The following CGN variants were observed in gnomAD, a reference collection of about 807,000 sequenced individuals.
The protein encoded by CGN is cingulin.
In CGN, 121 loss-of-function variants were observed where a neutral mutation model predicts 157.1. The ratio of observed to expected loss-of-function variants is 0.77; its 90% confidence interval spans 0.66 to 0.90. The LOEUF is 0.90. Among genes scored for constraint, CGN ranks in the 40% least tolerant of loss-of-function variants. The probability of loss-of-function intolerance (pLI) is 0.00; values close to 1 mark genes in which losing one functional copy is unlikely to be tolerated. For synonymous variants in CGN, 535 were observed against 607.5 expected (o/e 0.88, Z 1.76); for missense variants, 1,424 against 1,520.9 (o/e 0.94, Z 1.06).
At chr1:151,520,324 T>G in intron 3 of CGN, 58 bp downstream of exon 3, 1 of 1,569,192 alleles carries the variant, frequency 6.4e-7, no homozygotes, top group Non-Finnish European at 8.8e-7. Flanking sequence ...TCTTCTAGCT[T>G]TGTTTCCCAT....
At chr1:151,529,869 G>T in intron 11 of CGN, 40 bp from the exon 12 acceptor site, 1 of 1,580,678 alleles carries the variant, frequency 6.3e-7, no homozygotes, top group Non-Finnish European at 8.7e-7. Flanking sequence ...GAGCTGCCAC[G>T]CCCTGGGGTC....
intron 10 of CGN, 78 bp downstream of exon 10, chr1:151,527,185 C>T (rs890970841): frequency 1.3e-5 from 20 of 1,508,148 alleles, no homozygotes; most frequent in Non-Finnish European, 1.8e-5. Context: ...GGCCTTCTTG[C>T]TAGTGGGGCT....
intron 9 of CGN, 113 bp downstream of exon 9, chr1:151,525,903 G>C: frequency 1.3e-6 from 1 of 754,038 alleles, no homozygotes; most frequent in Non-Finnish European, 1.8e-6. Context: ...ACAGAGTTTC[G>C]CTCTTGTTTC....
chr1:151,520,640 G>T lies in CGN; in HGVS notation c.1089G>T (p.Glu363Asp). ...CTAAGGCCGTGGCAGGGCAGGGTGA[G>T]CTTACCCGAAAAGTGGAGGAGCTAC... ...GSTKAVAGQGELTRKVEELQR... is the reference protein window; with the variant it reads ...GSTKAVAGQGDLTRKVEELQR... Residue 363 changes from glutamate (E) to aspartate (D), a missense_variant, in exon 5 of 21, where the codon GAG becomes GAT. Transcript: ENST00000271636. The T allele has an allele frequency of 6.2e-7, 1 of 1,614,182 alleles. No homozygotes were observed. The highest frequency in any genetic ancestry group is 8.5e-7 in the Non-Finnish European group (1 of 1,180,030).
intron 5 of CGN, among the ~76,000 whole-genome samples, chr1:151,521,338 C>T (rs11204838): frequency 0.64 from 96,739 of 152,072 alleles, 34,658 homozygotes; most frequent in Non-Finnish European, 0.83. Context: ...TTGGAAATCA[C>T]TGTAGTGTAA....
upstream of CGN, among the ~76,000 whole-genome samples, chr1:151,510,703 G>A (rs561823878): frequency 6.6e-6 from 1 of 152,202 alleles, no homozygotes; most frequent in Non-Finnish European, 1.5e-5. Flanking sequence ...GGTGAAGCAA[G>A]GCACAGAACA....
At position 151,532,421 on chromosome 1, in the gene CGN, A is replaced by G; in HGVS notation, c.2591A>G (p.Asp864Gly). 1 of 1,579,058 alleles carries G rather than the reference A, an allele frequency of 6.3e-7. No individual in the cohort carries two copies. Among genetic ancestry groups the G allele is most frequent in the Admixed American group, 1.9e-5 (1 of 52,222 alleles). The change falls in exon 14 of 21, where the codon GAC becomes GGC. Residue 864 changes from aspartate to glycine, a missense_variant. Around this residue, in one of 3 missense-constraint regions of CGN, gnomAD observed 1,187 missense variants for 1,217.6 expected, o/e 0.97. Coordinates refer to ENST00000271636, the MANE Select transcript of CGN (RefSeq NM_020770.3). ...TTTCAGTTGGAGAAGATCGGGGAGG[A>G]CTCTAAGCAAGCCCTGCAGCAGCTC... is the stretch of plus-strand genomic sequence containing the variant. ...LNKELEKIGE[D>G]SKQALQQLQA...
chr1:151,536,211 A>T (rs765515888), intron 18 of CGN, 26 bp from the exon 19 acceptor site: 1 of 1,411,198 alleles, frequency 7.1e-7, no homozygotes, highest in Non-Finnish European at 1.0e-6. Flanking sequence ...GGGGACACTC[A>T]TAGACATTCT....
intron 10 of CGN, chr1:151,527,950 ATTTTTT>A (rs374689451): frequency 8.6e-5 from 7 of 81,500 alleles, no homozygotes; most frequent in Non-Finnish European, 1.3e-4. Flanking sequence ...ATATATATAT[ATTTTTT>A]TTTTTTTTTT....
intron 11 of CGN, 39 bp from the exon 12 acceptor site, chr1:151,529,870 C>A: frequency 1.3e-6 from 2 of 1,585,030 alleles, no homozygotes; most frequent in Non-Finnish European, 8.6e-7. Flanking sequence ...AGCTGCCACG[C>A]CCTGGGGTCT....
Position 151,530,111 on chromosome 1 carries a change from T to C in CGN, c.2309T>C (p.Leu770Pro), listed in dbSNP as rs1571667231. The C allele has an allele frequency of 6.2e-7, 1 of 1,610,094 alleles. No homozygotes were observed. The highest frequency in any genetic ancestry group is 8.5e-7 in the Non-Finnish European group (1 of 1,176,922). Residue 770 changes from leucine to proline, a missense_variant, in exon 12 of 21, where the codon CTG becomes CCG. Leu to Pro is a moderately conservative substitution (Grantham distance 98). This residue lies in a region of CGN where 1,187 missense variants were observed against 1,217.6 expected (regional missense o/e 0.97). Transcript: ENST00000271636. ...CGACTACGGGACAAGCTGCAGCGGC[T>C]GGAGGTCAGTGGTTCTGCCCTCCCA... is the stretch of plus-strand genomic sequence containing the variant. ...EARLRDKLQR[L>P]EAEKQQLEEA... is the part of the protein sequence containing the mutation.
intron 17 of CGN, 32 bp downstream of exon 17, chr1:151,535,715 G>C: frequency 6.2e-7 from 1 of 1,608,856 alleles, no homozygotes; most frequent in Non-Finnish European, 8.5e-7. Context: ...CTTAGGGATG[G>C]ACCCCAGGAG....
At position 151,524,364 on chromosome 1, in the gene CGN, G is replaced by T. The variant is rs372833542; in HGVS notation, c.1401+6G>T. 1.9e-6 allele frequency: 3 copies of T among 1,613,490 alleles called. No homozygotes were observed. The highest frequency in any genetic ancestry group is 1.7e-5 in the Admixed American group (1 of 59,940). On this transcript the variant is annotated splice_donor_region_variant and intron_variant, in intron 7 of 20. Coordinates refer to ENST00000271636, the MANE Select transcript of CGN (RefSeq NM_020770.3). This position sits in a 1 kb window ranked among gnomAD's most constrained non-coding sequence, Gnocchi z 4.4. ...CTAAGGAGGTGTTACTGAAGGTAGG[G>T]TCTGGGGTCATATGCCCCAGCCTCT...
chr1:151,519,054 G>T lies in CGN; in HGVS notation c.535G>T (p.Asp179Tyr), dbSNP rs1356194189. 1 of 1,614,124 alleles carries T rather than the reference G, an allele frequency of 6.2e-7. No homozygotes were observed. The change falls in exon 2 of 21, where the codon GAC (aspartate) becomes TAC (tyrosine). Residue 179 changes from aspartate to tyrosine, a missense_variant. Asp to Tyr is a radical substitution (Grantham distance 160). Around this residue, in one of 3 missense-constraint regions of CGN, gnomAD observed 1,187 missense variants for 1,217.6 expected, o/e 0.97. Coordinates refer to ENST00000271636, the MANE Select transcript of CGN (RefSeq NM_020770.3). ...TIDTAPLSSV[D>Y]SLINKFDSQL... is the part of the protein sequence containing the mutation. ...TGACACTGCTCCCCTGTCTTCAGTGGACTCACTCATCAACAAGTTTGACAG... is the reference window on the plus strand; with the variant it reads ...TGACACTGCTCCCCTGTCTTCAGTGTACTCACTCATCAACAAGTTTGACAG...
chr1:151,516,225 T>G (rs1418656153), intron 1 of CGN, among the ~76,000 whole-genome samples: 3 of 152,214 alleles, frequency 2.0e-5, no homozygotes, highest in East Asian at 1.9e-4. Flanking sequence ...TTGCCAAGTT[T>G]CCTTGGCCCA....
In CGN at chr1:151,518,402, A is replaced by C. The variant is rs1302313191; in HGVS notation, c.-14-104A>C. 8.5e-6 allele frequency: 8 copies of C among 943,650 alleles called. No homozygotes were observed. The South Asian group carries it at 1.1e-4, about 13-fold the overall frequency. 58.5% of individuals were successfully genotyped at this position (943,650 alleles called of 1,614,324 possible). ...GGGGCCTTCTGTTAGTCTGAGAATC[A>C]GTGGTTTATCTAGTAGGAACTGACA... On this transcript the variant is annotated intron_variant, in intron 1 of 20. Transcript: ENST00000271636.
chr1:151,532,589 C>T lies in CGN; in HGVS notation c.2742+17C>T. On this transcript the variant is annotated intron_variant, in intron 14 of 20. Coordinates refer to ENST00000271636, the MANE Select transcript of CGN (RefSeq NM_020770.3). Reference sequence around the variant, plus strand: ...CAGGATGAGGTAGAAGTCTAATATCCTTGGGTTTGAAGGTCCTTGCCTCTT... The same window carrying T: ...CAGGATGAGGTAGAAGTCTAATATCTTTGGGTTTGAAGGTCCTTGCCTCTT... 1 of 1,413,754 alleles carries T rather than the reference C, an allele frequency of 7.1e-7. No homozygotes were observed. Among genetic ancestry groups the T allele is most frequent in the Non-Finnish European group, 9.3e-7 (1 of 1,070,474 alleles). The allele number at this position is 1,413,754 out of a possible 1,614,324, so 87.6% of individuals were successfully genotyped here. A position where few individuals can be genotyped will look rare whatever the true frequency, so the allele number is the denominator to read the frequency against.
chr1:151,521,122 A>G lies in CGN; in HGVS notation c.1140+431A>G, dbSNP rs16833330. 3.2e-3 allele frequency among the ~76,000 whole-genome samples: 487 copies of G among 152,244 alleles called. 2 individuals are homozygous for G. Among genetic ancestry groups the G allele is most frequent in the African/African-American group, 0.011 (468 of 41,534 alleles). ...GTTACCCTGTGAATACCTATTCTGG[A>G]CCCTTTTCTGATGAGAAAACTGAAG... On this transcript the variant is annotated intron_variant, in intron 5 of 20. Coordinates refer to ENST00000271636, the MANE Select transcript of CGN (RefSeq NM_020770.3).
At position 151,518,768 on chromosome 1, in the gene CGN, G is replaced by C; in HGVS notation, c.249G>C (p.Lys83Asn). 1 of 1,614,110 alleles carries C rather than the reference G, an allele frequency of 6.2e-7. No individual in the cohort carries two copies. The highest frequency in any genetic ancestry group is 8.5e-7 in the Non-Finnish European group (1 of 1,179,978). ...KGGDSFGVQI[K>N]GANDQGASGA... ...GTGACTCCTTTGGGGTCCAAATCAA[G>C]GGGGCCAATGACCAAGGGGCCTCAG... The change falls in exon 2 of 21, where the codon AAG becomes AAC. Residue 83 changes from lysine to asparagine, a missense_variant. Physicochemically the swap from Lys to Asn is moderately conservative, Grantham distance 94. This residue lies in a region of CGN where 1,187 missense variants were observed against 1,217.6 expected (regional missense o/e 0.97). Coordinates refer to ENST00000271636, the MANE Select transcript of CGN (RefSeq NM_020770.3).
Sources: allele counts gnomAD v4.1 joint callset (sites outside exome capture counted in the v4.1 genomes callset), GRCh38; gene constraint gnomAD v4.1.1; regional missense constraint gnomAD v4.1.1; non-coding constraint Gnocchi (gnomAD v3.1); transcripts MANE v1.5; gene names NCBI Gene and HGNC (gene_info 2026-07-23, HGNC 2026-07-21).